NEB: variants seen among roughly 807,000 people sequenced by gnomAD.
NEB encodes the protein nebulin.
NEB carries 512 observed loss-of-function variants against 952.2 expected under a neutral mutation model. That is an observed-to-expected ratio of 0.54 (90% confidence interval 0.50 to 0.58). The LOEUF (loss-of-function observed/expected upper bound fraction) is 0.58. Among genes scored for constraint, NEB ranks in the 20% least tolerant of loss-of-function variants. NEB has a pLI of 0.00. For synonymous variants in NEB, 2,900 were observed against 3,149.8 expected, an observed-to-expected ratio of 0.92 and a Z score of 2.66; for missense variants, 8,428 against 9,231.1, an observed-to-expected ratio of 0.91 and a Z score of 3.56.
In NEB at chr2:151,729,066, T is replaced by C. The variant is rs912563163; in HGVS notation, c.78+549A>G. On this transcript the variant is annotated intron_variant, in intron 4 of 181. Coordinates refer to ENST00000397345, the MANE Select transcript of NEB (RefSeq NM_001164508.2). Reference sequence around the variant, plus strand: ...TAAAGCATGAGAGAGGTATTTCACCTTGAAAAAAAAAAGAGCTTGAACGTG... The same window carrying C: ...TAAAGCATGAGAGAGGTATTTCACCCTGAAAAAAAAAAGAGCTTGAACGTG... 6.7e-5 allele frequency among the ~76,000 whole-genome samples: 5 copies of C among 75,138 alleles called. No homozygotes were observed. The Admixed American group carries it at 9.7e-4, about 15-fold the overall frequency. The allele number at this position is 75,138 out of a possible 152,430, so 49.3% of individuals were successfully genotyped here.
intron 161 of NEB, among the ~76,000 whole-genome samples, chr2:151,509,027 T>G (rs1360190510): frequency 1.3e-5 from 2 of 152,230 alleles, no homozygotes; most frequent in African/African-American, 2.4e-5. Flanking sequence ...TTTTAGTTTG[T>G]AGGGCTGAGG....
At position 151,592,027 on chromosome 2, in the gene NEB, G is replaced by C; in HGVS notation, c.14826+7C>G. On this transcript the variant is annotated splice_region_variant and intron_variant, in intron 95 of 181. Coordinates refer to ENST00000397345, the MANE Select transcript of NEB (RefSeq NM_001164508.2). ...CTGTGAAAAGCAAATGATGTGCGCTGTCTTACATTGCTGATCTGCAGAGCA... is the reference window on the plus strand; with the variant it reads ...CTGTGAAAAGCAAATGATGTGCGCTCTCTTACATTGCTGATCTGCAGAGCA... 6.5e-7 allele frequency: 1 copy of C among 1,549,658 alleles called. No individual in the cohort carries two copies. The highest frequency in any genetic ancestry group is 8.7e-7 in the Non-Finnish European group (1 of 1,146,830).
Position 151,678,134 on chromosome 2 carries a change from T to C in NEB, c.3309A>G (p.Gln1103=), listed in dbSNP as rs900734432. The C allele has an allele frequency of 6.2e-7, 1 of 1,613,438 alleles. No individual in the cohort carries two copies. The highest frequency in any genetic ancestry group is 1.1e-5 in the South Asian group (1 of 90,990). ...EKAKGKMVGF[Q]SLQDDPKLVH... is the part of the protein sequence containing the mutation. The stretch of plus-strand genomic sequence containing the variant: ...CCAGTTTAGGGTCATCTTGAAGACT[T>C]TGGAAGCCAACCATTTTCCCTTTAG... Residue 1103 remains glutamine, a synonymous_variant, in exon 33 of 182, where the codon CAA becomes CAG. Transcript: ENST00000397345.
intron 145 of NEB, among the ~76,000 whole-genome samples, chr2:151,530,138 C>G (rs2089821382): frequency 2.0e-5 from 3 of 152,148 alleles, no homozygotes; most frequent in Admixed American, 1.3e-4. Context: ...GTGTCAGGCA[C>G]ATAGACAATA....
In NEB at chr2:151,671,149, G is replaced by A. The variant is rs762099703; in HGVS notation, c.4380C>T (p.Val1460=). ...CATTTAATGCATCGCCTGCTTTCTT[G>A]ACCTTCTCCACCTCCAGGGAACCAA... ...IPIGSLEVEK[V]KKAGDALNER... is the part of the protein sequence containing the mutation. Residue 1460 remains valine (V), a synonymous_variant, in exon 38 of 182, where the codon GTC becomes GTT. Transcript: ENST00000397345. The A allele has an allele frequency of 3.1e-6, 5 of 1,613,874 alleles. No homozygotes were observed. In the Admixed American group the frequency reaches 8.3e-5, roughly 27 times the overall value.
Position 151,537,944 on chromosome 2 carries a change from C to G in NEB, c.21030G>C (p.Leu7010Phe). ...GATCAGGAATGGACCTCCAGATACCCAACTGGCTCATGTAGTTCTCCTTGT... is the reference window on the plus strand; with the variant it reads ...GATCAGGAATGGACCTCCAGATACCGAACTGGCTCATGTAGTTCTCCTTGT... ...IKYKENYMSQLGIWRSIPDRP... is the reference protein window; with the variant it reads ...IKYKENYMSQFGIWRSIPDRP... The change falls in exon 140 of 182, where the codon TTG becomes TTC. Residue 7010 changes from leucine (L) to phenylalanine (F), a missense_variant. Physicochemically the swap from Leu to Phe is conservative, Grantham distance 22. Transcript: ENST00000397345. 6.2e-7 allele frequency: 1 copy of G among 1,613,418 alleles called. No homozygotes were observed. The highest frequency in any genetic ancestry group is 8.5e-7 in the Non-Finnish European group (1 of 1,179,532).
At chr2:151,716,579 C>G (rs1005826206) in intron 10 of NEB, among the ~76,000 whole-genome samples, 12 of 152,098 alleles carry the variant, frequency 7.9e-5, no homozygotes, top group African/African-American at 2.9e-4. Flanking sequence ...CCAAACAGCT[C>G]ATAGTTACAC....
At chr2:151,486,008 TCTCTC>T (rs2050013135) in intron 181 of NEB, 75 bp from the exon 182 acceptor site, 2 of 1,463,794 alleles carry the variant, frequency 1.4e-6, no homozygotes, top group African/African-American at 1.4e-5. Context: ...ATTTGTAAGA[TCTCTC>T]ATGACTGACT....
At chr2:151,609,001 C>T (rs1287768792) in intron 81 of NEB, among the ~76,000 whole-genome samples, 3 of 137,538 alleles carry the variant, frequency 2.2e-5, no homozygotes, top group African/African-American at 7.5e-5. Flanking sequence ...AGGCCTTCAG[C>T]ACTGAAACTC....
In NEB at chr2:151,551,718, C is replaced by G. The variant is rs1250801811; in HGVS notation, c.19944+20G>C. 2.5e-6 allele frequency: 4 copies of G among 1,595,536 alleles called. No individual in the cohort carries two copies. Among genetic ancestry groups the G allele is most frequent in the South Asian group, 1.1e-5 (1 of 90,470 alleles). ...ATGGAACGGATTTCTGCTGGGCACT[C>G]TCAAGTTCTCACTGCTCACCGAACT... On this transcript the variant is annotated intron_variant, in intron 129 of 181. Coordinates refer to ENST00000397345, the MANE Select transcript of NEB (RefSeq NM_001164508.2).
At position 151,570,221 on chromosome 2, in the gene NEB, T is replaced by G. The variant is rs1007362811; in HGVS notation, c.17290A>C (p.Met5764Leu). Residue 5764 changes from methionine to leucine, a missense_variant, in exon 109 of 182, where the codon ATG becomes CTG. Transcript: ENST00000397345. Reference sequence around the variant, plus strand: ...TTTTTAGAGTGCAGGATGGAAAGCATGTCCACAGGGCTCTGGATCTTGGCC... The same window carrying G: ...TTTTTAGAGTGCAGGATGGAAAGCAGGTCCACAGGGCTCTGGATCTTGGCC... Reference protein sequence around the residue: ...WKAKIQSPVDMLSILHSKNSQ... With the variant: ...WKAKIQSPVDLLSILHSKNSQ... 3 of 1,613,680 alleles carry G rather than the reference T, an allele frequency of 1.9e-6. No homozygotes were observed. The highest frequency in any genetic ancestry group is 1.1e-5 in the South Asian group (1 of 91,058).
rs758761216 is a variant in NEB, at chr2:151,518,368, C to T, written c.22750G>A (p.Asp7584Asn). ...KSKGHYHTIP[D>N]NLEQLHLKEA... is the part of the protein sequence containing the mutation. ...TTTAGGTGAAGCTGCTCCAGATTAT[C>T]GGGTATGGTGTGGTAGTGGCCTTTA... The change falls in exon 156 of 182, where the codon GAT becomes AAT. Residue 7584 changes from aspartate to asparagine, a missense_variant. Asp to Asn is a conservative substitution (Grantham distance 23, BLOSUM62 1). This residue lies in a region of NEB where 3,374 missense variants were observed against 3,651.5 expected (regional missense o/e 0.92). Transcript: ENST00000397345. 1.1e-5 allele frequency: 17 copies of T among 1,612,446 alleles called. No homozygotes were observed. The highest frequency in any genetic ancestry group is 1.6e-4 in the Middle Eastern group (1 of 6,078).
intron 170 of NEB, 29 bp downstream of exon 170, chr2:151,498,231 G>T: frequency 6.5e-7 from 1 of 1,550,338 alleles, no homozygotes; most frequent in Non-Finnish European, 8.7e-7. Flanking sequence ...AAGTTAAGTG[G>T]CATTTTTTCC....
chr2:151,555,568 GTTCTTAAGCCA>G (rs367960359), intron 124 of NEB, among the ~76,000 whole-genome samples: 7 of 152,242 alleles, frequency 4.6e-5, no homozygotes, highest in African/African-American at 1.7e-4. Context: ...ATAACAATTA[GTTCTTAAGCCA>G]TGTTGCCCGT....
intron 171 of NEB, chr2:151,497,417 A>G (rs1575006845): frequency 4.1e-6 from 4 of 978,004 alleles, no homozygotes; most frequent in Non-Finnish European, 4.9e-6. Context: ...AAAATACCAG[A>G]TGAAATAAAA....
In NEB at chr2:151,706,204, T is replaced by C. The variant is rs1032947287; in HGVS notation, c.1152+677A>G. ...CCCAACCACACACACATATTTCCTA[T>C]GCTGCTGACTTAGTTCAAGGGACAA... On this transcript the variant is annotated intron_variant, in intron 13 of 181. Transcript: ENST00000397345. 3.3e-5 allele frequency among the ~76,000 whole-genome samples: 5 copies of C among 152,232 alleles called. No individual in the cohort carries two copies. In the East Asian group the frequency reaches 5.8e-4, roughly 18 times the overall value.
chr2:151,640,273 TTG>T, intron 61 of NEB, 80 bp downstream of exon 61: 1 of 1,564,130 alleles, frequency 6.4e-7, no homozygotes, highest in Non-Finnish European at 8.7e-7. Context: ...GCTGGTGAGC[TTG>T]TGCCATATAT....
At position 151,682,773 on chromosome 2, in the gene NEB, A is replaced by G. The variant is rs1254068342; in HGVS notation, c.2836-4T>C. ...TGTAGTCAGCTTTGTATTCAACCTA[A>G]AACACCAAGAGAAAGGTTACATTTC... On this transcript the variant is annotated splice_polypyrimidine_tract_variant and splice_region_variant and intron_variant, in intron 28 of 181. Coordinates refer to ENST00000397345, the MANE Select transcript of NEB (RefSeq NM_001164508.2). The G allele has an allele frequency of 1.9e-6, 3 of 1,608,514 alleles. No homozygotes were observed. The highest frequency in any genetic ancestry group is 2.2e-5 in the East Asian group (1 of 44,816).
intron 60 of NEB, 125 bp downstream of exon 60, chr2:151,642,449 A>T: frequency 3.8e-6 from 3 of 785,694 alleles, no homozygotes; most frequent in Non-Finnish European, 5.9e-6. Flanking sequence ...TAAACCATTC[A>T]TCGAAACAAT....
Sources: gnomAD v4.1 joint callset for allele counts (sites outside exome capture counted in the v4.1 genomes callset) on GRCh38, gnomAD v4.1.1 for gene constraint, gnomAD v4.1.1 regional missense constraint, MANE v1.5 for transcripts, NCBI Gene and HGNC (gene_info 2026-07-23, HGNC 2026-07-21) for gene names.